Variants in MICAL2 observed in about 807,000 individuals in gnomAD.
MICAL2 encodes [F-actin]-monooxygenase MICAL2.
In MICAL2, 77 loss-of-function variants were observed where a neutral mutation model predicts 127.3. The observed-to-expected ratio is 0.60, with a 90% CI of 0.50 to 0.73. The LOEUF (loss-of-function observed/expected upper bound fraction) is 0.73. Ranked by LOEUF, MICAL2 falls within the 30% of genes least tolerant of loss-of-function variation. The probability of loss-of-function intolerance (pLI) is 0.00; values close to 1 mark genes in which losing one functional copy is unlikely to be tolerated. For synonymous variants in MICAL2, 570 were observed against 551.1 expected, an observed-to-expected ratio of 1.03 and a Z score of -0.48; for missense variants, 1,351 against 1,434.4, an observed-to-expected ratio of 0.94 and a Z score of 0.94.
chr11:12,150,513 G>A (rs1360403297), intron 2 of MICAL2, among the ~76,000 whole-genome samples: 5 of 152,124 alleles, frequency 3.3e-5, no homozygotes, highest in South Asian at 2.1e-4. Flanking sequence ...GCTGGGTTGC[G>A]AGCTGCTCTG....
intron 1 of MICAL2, among the ~76,000 whole-genome samples, chr11:12,119,896 G>C (rs1341275829): frequency 6.6e-6 from 1 of 152,206 alleles, no homozygotes; most frequent in South Asian, 2.1e-4. Flanking sequence ...TGAGTGGACA[G>C]AGAGGTGTGT....
intron 16 of MICAL2, 41 bp downstream of exon 16, chr11:12,236,286 C>A (rs374751356): frequency 1.3e-6 from 2 of 1,592,584 alleles, no homozygotes; most frequent in Non-Finnish European, 1.7e-6. Context: ...GGCTCGTTTC[C>A]TGACAACCAG....
chr11:12,322,107 A>G (rs1405449662), intron 30 of MICAL2, among the ~76,000 whole-genome samples: 1 of 152,132 alleles, frequency 6.6e-6, no homozygotes. Context: ...TGTAAGTGCA[A>G]TTTGAGGAAT....
At chr11:12,247,744 G>A (rs1409274169) in intron 21 of MICAL2, among the ~76,000 whole-genome samples, 1 of 152,240 alleles carries the variant, frequency 6.6e-6, no homozygotes, top group Non-Finnish European at 1.5e-5. Context: ...CCTCTAGGGA[G>A]AGAACTGGCT....
At chr11:12,279,520 T>C (rs1186074364) in intron 1 of MICAL2, among the ~76,000 whole-genome samples, 1 of 152,190 alleles carries the variant, frequency 6.6e-6, no homozygotes, top group Non-Finnish European at 1.5e-5. Flanking sequence ...AGCCTCCACG[T>C]AGGCAGGCCT....
downstream of MICAL2, chr11:12,292,437 A>G: frequency 2.2e-6 from 2 of 906,884 alleles, no homozygotes; most frequent in Non-Finnish European, 1.7e-6. Flanking sequence ...ATACTCTGTC[A>G]AGGGTCTACC....
intron 13 of MICAL2, among the ~76,000 whole-genome samples, chr11:12,225,035 C>CT (rs1356068947): frequency 6.6e-6 from 1 of 152,186 alleles, no homozygotes; most frequent in African/African-American, 2.4e-5. Context: ...TTGGCTCCGG[C>CT]TTAGTGATGG....
At chr11:12,252,736 G>C (rs1464751988) in intron 22 of MICAL2, 1 of 152,302 alleles carries the variant, frequency 6.6e-6, no homozygotes, top group East Asian at 1.9e-4. Context: ...GCAGTTCCCT[G>C]GACTCCCTGC....
intron 6 of MICAL2, among the ~76,000 whole-genome samples, chr11:12,212,618 T>C (rs766078078): frequency 4.0e-5 from 6 of 151,874 alleles, no homozygotes; most frequent in Admixed American, 3.9e-4. Flanking sequence ...ACCAGTCATA[T>C]TGGAGTAAGC....
rs1859853807 is a variant in MICAL2 at position 12,195,872 on chromosome 11, CTG to C, written c.265-8376_265-8375del. On this transcript the variant is annotated intron_variant, in intron 3 of 27. Transcript: ENST00000683283. ...GTGGGAGCTGAGGACAAAAGGGAAA[CTG>C]TAGGTTGAGATCATATAGGGTCCTA... The C allele has an allele frequency of 2.0e-5, 3 of 152,236 alleles. No individual in the cohort carries two copies. In the South Asian group the frequency reaches 6.2e-4, roughly 32 times the overall value. 9.4% of individuals were successfully genotyped at this position (152,236 alleles called of 1,614,324 possible). A position where few individuals can be genotyped will look rare whatever the true frequency, so the allele number is the denominator to read the frequency against.
At chr11:12,180,172 T>G (rs1435193300) in intron 3 of MICAL2, among the ~76,000 whole-genome samples, 1 of 152,122 alleles carries the variant, frequency 6.6e-6, no homozygotes, top group East Asian at 1.9e-4. Flanking sequence ...ATTGTCTACT[T>G]GGCCTTTTTC....
intron 3 of MICAL2, among the ~76,000 whole-genome samples, chr11:12,182,449 T>G (rs1857593762): frequency 6.6e-6 from 1 of 152,164 alleles, no homozygotes; most frequent in Admixed American, 6.5e-5. Flanking sequence ...TTTCCACATC[T>G]GTAAAACAGC....
At chr11:12,165,854 G>C (rs1855450484) in intron 3 of MICAL2, among the ~76,000 whole-genome samples, 1 of 152,228 alleles carries the variant, frequency 6.6e-6, no homozygotes, top group Admixed American at 6.5e-5. Flanking sequence ...TCAGGTGCCA[G>C]TTCCAAAATC....
At chr11:12,172,825 G>A (rs552333591) in intron 3 of MICAL2, among the ~76,000 whole-genome samples, 4 of 151,908 alleles carry the variant, frequency 2.6e-5, no homozygotes, top group Non-Finnish European at 5.9e-5. Context: ...CCGAGGCCCC[G>A]CCCCATCCTC....
chr11:12,275,989 A>G, upstream of MICAL2: 2 of 399,206 alleles, frequency 5.0e-6, no homozygotes, highest in East Asian at 7.1e-5. Context: ...TCAGCAGATG[A>G]GCCCACCTCC....
At chr11:12,360,408 A>C (rs1344581699), downstream of MICAL2, among the ~76,000 whole-genome samples, 3 of 152,182 alleles carry the variant, frequency 2.0e-5, no homozygotes, top group Non-Finnish European at 4.4e-5. Context: ...AGTATTAAAG[A>C]TTTCAGCTAT....
intron 29 of MICAL2, chr11:12,319,563 A>G: frequency 4.6e-6 from 3 of 646,746 alleles, no homozygotes; most frequent in Non-Finnish European, 8.2e-6. Flanking sequence ...CCTCATGCTC[A>G]CGGCAGGTGC....
At chr11:12,168,922 G>A (rs1418336747) in intron 3 of MICAL2, among the ~76,000 whole-genome samples, 1 of 131,470 alleles carries the variant, frequency 7.6e-6, no homozygotes, top group African/African-American at 2.9e-5. Flanking sequence ...ACTCTAGCCT[G>A]GGCAACAGAG....
chr11:12,258,619 T>C, intron 25 of MICAL2, 63 bp downstream of exon 25: 1 of 1,485,768 alleles, frequency 6.7e-7, no homozygotes, highest in Non-Finnish European at 9.3e-7. Context: ...TTTCCAGTGA[T>C]CCTCAAAGTT....
Sources: gnomAD v4.1 joint callset for allele counts (sites outside exome capture counted in the v4.1 genomes callset) on GRCh38, gnomAD v4.1.1 for gene constraint, MANE v1.5 for transcripts, NCBI Gene and HGNC (gene_info 2026-07-23, HGNC 2026-07-21) for gene names.